Variants in CACNA1C observed in about 807,000 individuals in gnomAD.
CACNA1C encodes the protein calcium voltage-gated channel subunit alpha1 C.
CACNA1C carries 30 observed loss-of-function variants against 229.0 expected under a neutral mutation model. The ratio of observed to expected loss-of-function variants is 0.13; its 90% CI spans 0.10 to 0.18. The LOEUF is 0.18. CACNA1C is among the 10% of genes least tolerant of loss of function. The pLI, the probability that CACNA1C is intolerant of heterozygous loss-of-function variation, is 1.00. For synonymous variants in CACNA1C, 1,114 were observed against 1,132.5 expected, an observed-to-expected ratio of 0.98 and a Z score of 0.33; for missense variants, 1,658 against 2,845.0, an observed-to-expected ratio of 0.58 and a Z score of 9.49.
intron 3 of CACNA1C, among the ~76,000 whole-genome samples, chr12:2,260,290 A>T (rs2079563183): frequency 6.6e-6 from 1 of 152,054 alleles, no homozygotes; most frequent in African/African-American, 2.4e-5. Context: ...AGCCTGGGCA[A>T]GATGGTGGGA....
At chr12:2,688,038 A>G (rs2153855869) in intron 45 of CACNA1C, among the ~76,000 whole-genome samples, 1 of 152,322 alleles carries the variant, frequency 6.6e-6, no homozygotes, top group African/African-American at 2.4e-5. Flanking sequence ...CCAGCCCCAC[A>G]GGGCAGATGG....
intron 1 of CACNA1C, among the ~76,000 whole-genome samples, chr12:2,093,027 A>G (rs1283519225): frequency 6.6e-6 from 1 of 152,200 alleles, no homozygotes; most frequent in Non-Finnish European, 1.5e-5. Context: ...GACGGCTGCA[A>G]ACCCCGCACT....
chr12:2,611,785 GT>G (rs1247748147), intron 28 of CACNA1C, 117 bp from the exon 29 acceptor site: 1 of 639,736 alleles, frequency 1.6e-6, no homozygotes, highest in Non-Finnish European at 2.8e-6. Context: ...CCCTCTGGGG[GT>G]TTGGTTCAAG....
At chr12:2,236,983 C>T (rs1031187459) in intron 3 of CACNA1C, among the ~76,000 whole-genome samples, 10 of 152,204 alleles carry the variant, frequency 6.6e-5, no homozygotes, top group Non-Finnish European at 1.5e-4. Context: ...TACTACAATG[C>T]CTTGTGATAC....
At chr12:2,185,865 G>A (rs577894889) in intron 3 of CACNA1C, among the ~76,000 whole-genome samples, 1 of 152,212 alleles carries the variant, frequency 6.6e-6, no homozygotes, top group Admixed American at 6.5e-5. Flanking sequence ...TGCCCGGTGG[G>A]CTCCAGCCGC....
chr12:2,390,005 T>G (rs2098456891), intron 3 of CACNA1C, among the ~76,000 whole-genome samples: 1 of 152,210 alleles, frequency 6.6e-6, no homozygotes, highest in Non-Finnish European at 1.5e-5. Context: ...TTATAGCATC[T>G]CTCAAGAATA....
intron 1 of CACNA1C, among the ~76,000 whole-genome samples, chr12:2,062,764 G>T (rs1326991273): frequency 2.6e-5 from 4 of 152,068 alleles, no homozygotes; most frequent in African/African-American, 9.7e-5. Flanking sequence ...ACCCATTTGT[G>T]GCATGGCCTT....
intron 3 of CACNA1C, among the ~76,000 whole-genome samples, chr12:2,180,084 G>C (rs79316657): frequency 0.019 from 2,840 of 152,336 alleles, 72 homozygotes; most frequent in African/African-American, 0.059. Context: ...CTAGAATGGA[G>C]AGCACGTCTT....
chr12:2,551,238 A>G (rs992755693), intron 10 of CACNA1C, among the ~76,000 whole-genome samples: 2 of 152,096 alleles, frequency 1.3e-5, no homozygotes, highest in African/African-American at 4.8e-5. Context: ...CCCAAGTCGC[A>G]TACCAGGAGG....
At chr12:2,030,661 A>C (rs965913580) in intron 1 of CACNA1C, among the ~76,000 whole-genome samples, 1 of 152,060 alleles carries the variant, frequency 6.6e-6, no homozygotes. Flanking sequence ...TGATGGGGTT[A>C]TTTGTGCTAA....
intron 3 of CACNA1C, among the ~76,000 whole-genome samples, chr12:2,324,214 A>C (rs1009668521): frequency 6.6e-6 from 1 of 152,116 alleles, no homozygotes; most frequent in African/African-American, 2.4e-5. Flanking sequence ...AGCCCGGGGG[A>C]TGGGGCTGAC....
At chr12:2,336,517 A>T (rs1344077176) in intron 3 of CACNA1C, among the ~76,000 whole-genome samples, 1 of 152,214 alleles carries the variant, frequency 6.6e-6, no homozygotes, top group Non-Finnish European at 1.5e-5. Context: ...GCCCAGAGAT[A>T]TGTGACTCAG....
intron 3 of CACNA1C, among the ~76,000 whole-genome samples, chr12:2,214,195 A>G (rs2059392468): frequency 6.6e-6 from 1 of 152,156 alleles, no homozygotes; most frequent in South Asian, 2.1e-4. Context: ...GTCCATCTCT[A>G]AAGCAGCGCA....
intron 3 of CACNA1C, among the ~76,000 whole-genome samples, chr12:2,253,441 C>T (rs1029845443): frequency 6.6e-6 from 1 of 152,192 alleles, no homozygotes; most frequent in Non-Finnish European, 1.5e-5. Context: ...CCTCCTTGGT[C>T]ATTGACTGAT....
intron 15 of CACNA1C, among the ~76,000 whole-genome samples, chr12:2,583,328 G>A (rs538420158): frequency 3.3e-5 from 5 of 152,356 alleles, no homozygotes; most frequent in South Asian, 4.1e-4. Flanking sequence ...AGGATGAGCC[G>A]TTGTCCTTCA....
At chr12:2,222,476 C>A (rs569085639) in intron 3 of CACNA1C, 211 of 152,198 alleles carry the variant, frequency 1.4e-3, no homozygotes, top group African/African-American at 4.7e-3. Flanking sequence ...AATGCTTTCA[C>A]GGAGTTGTGA....
chr12:2,264,263 G>A (rs942437247), intron 3 of CACNA1C, among the ~76,000 whole-genome samples: 11 of 152,218 alleles, frequency 7.2e-5, no homozygotes, highest in African/African-American at 2.2e-4. Flanking sequence ...CTCTCAAAGA[G>A]GAGCAGGCTC....
chr12:2,229,834 G>T (rs1336591547), intron 3 of CACNA1C, among the ~76,000 whole-genome samples: 1 of 152,182 alleles, frequency 6.6e-6, no homozygotes, highest in South Asian at 2.1e-4. Context: ...GTCCCGAGGC[G>T]GGCGGAGCAG....
At chr12:2,125,329 T>C (rs2089557221) in intron 3 of CACNA1C, among the ~76,000 whole-genome samples, 1 of 152,154 alleles carries the variant, frequency 6.6e-6, no homozygotes, top group South Asian at 2.1e-4. Flanking sequence ...GATATTGATC[T>C]GTGTCTGTAC....
Sources: gnomAD v4.1 joint callset for allele counts (sites outside exome capture counted in the v4.1 genomes callset) on GRCh38, gnomAD v4.1.1 for gene constraint, MANE v1.5 for transcripts, NCBI Gene and HGNC (gene_info 2026-07-23, HGNC 2026-07-21) for gene names.